Variants in GRM5 observed in about 807,000 individuals in gnomAD.
The protein encoded by GRM5 is glutamate metabotropic receptor 5.
In GRM5, 19 loss-of-function variants were observed where a neutral mutation model predicts 83.1. The ratio of observed to expected loss-of-function variants is 0.23; its 90% CI spans 0.16 to 0.34. The LOEUF (loss-of-function observed/expected upper bound fraction) is 0.34, where lower values mean the gene tolerates loss of function less well. GRM5 is among the 10% of genes least tolerant of loss of function. GRM5 has a pLI of 1.00. For synonymous variants in GRM5, 675 were observed against 633.6 expected, an observed-to-expected ratio of 1.07 and a Z score of -0.98; for missense variants, 1,160 against 1,588.3, an observed-to-expected ratio of 0.73 and a Z score of 4.58.
chr11:88,952,113 CACAT>C (rs1938482896), intron 2 of GRM5, among the ~76,000 whole-genome samples: 1 of 64,152 alleles, frequency 1.6e-5, no homozygotes, highest in Non-Finnish European at 4.3e-5. Context: ...CCACCATGTG[CACAT>C]ACAAACAAAC....
At chr11:88,876,155 T>C (rs1944849679) in intron 2 of GRM5, among the ~76,000 whole-genome samples, 1 of 152,136 alleles carries the variant, frequency 6.6e-6, no homozygotes, top group Non-Finnish European at 1.5e-5. Flanking sequence ...TGTAACCACC[T>C]TTATCAATTA....
chr11:88,693,892 G>A (rs1338358479), intron 3 of GRM5, among the ~76,000 whole-genome samples: 4 of 152,198 alleles, frequency 2.6e-5, no homozygotes, highest in African/African-American at 4.8e-5. Flanking sequence ...GAGAGGGAAG[G>A]AAGGACATCT....
chr11:88,698,093 T>C (rs1940943221), intron 3 of GRM5, among the ~76,000 whole-genome samples: 1 of 152,200 alleles, frequency 6.6e-6, no homozygotes, highest in Non-Finnish European at 1.5e-5. Flanking sequence ...ACTCGTCCTC[T>C]GCCAATCCAT....
intron 1 of GRM5, among the ~76,000 whole-genome samples, chr11:89,059,759 A>AT (rs916279538): frequency 2.0e-5 from 3 of 151,968 alleles, no homozygotes; most frequent in South Asian, 4.1e-4. Flanking sequence ...CAGATACTTT[A>AT]TTTTTTTAAT....
intron 2 of GRM5, among the ~76,000 whole-genome samples, chr11:88,978,474 TA>T (rs200343438): frequency 4.1e-5 from 4 of 97,986 alleles, no homozygotes; most frequent in African/African-American, 7.4e-5. Context: ...CAGATGAGCT[TA>T]AAAAAAAAAA....
intron 3 of GRM5, among the ~76,000 whole-genome samples, chr11:88,821,118 T>A (rs961429359): frequency 1.3e-5 from 2 of 152,002 alleles, no homozygotes; most frequent in Non-Finnish European, 1.5e-5. Flanking sequence ...GGGCTCTACA[T>A]CAGTGTTAAA....
intron 8 of GRM5, among the ~76,000 whole-genome samples, chr11:88,543,046 C>T (rs534641427): frequency 7.9e-5 from 12 of 152,112 alleles, no homozygotes; most frequent in South Asian, 4.2e-4. Context: ...CCAGCCTGGG[C>T]GACAGAACAA....
chr11:88,611,134 T>C (rs1938303501), intron 4 of GRM5, among the ~76,000 whole-genome samples: 1 of 152,160 alleles, frequency 6.6e-6, no homozygotes, highest in East Asian at 1.9e-4. Flanking sequence ...TTTTTGAGGA[T>C]TTTTGCATCT....
chr11:88,574,462 G>A (rs1943064049), intron 7 of GRM5, among the ~76,000 whole-genome samples: 1 of 152,028 alleles, frequency 6.6e-6, no homozygotes, highest in African/African-American at 2.4e-5. Flanking sequence ...GACGTGACAT[G>A]TTTCATATTA....
chr11:88,526,571 T>A (rs1188814253), intron 8 of GRM5, among the ~76,000 whole-genome samples: 1 of 152,160 alleles, frequency 6.6e-6, no homozygotes, highest in African/African-American at 2.4e-5. Context: ...TCCAGTAGGC[T>A]ATGATAAAGG....
chr11:88,745,017 A>G (rs562712741), intron 3 of GRM5, among the ~76,000 whole-genome samples: 3 of 152,174 alleles, frequency 2.0e-5, no homozygotes, highest in South Asian at 2.1e-4. Context: ...TTGATACTCA[A>G]TTATAATTGT....
chr11:88,567,639 T>C lies in GRM5; in HGVS notation c.2044A>G (p.Thr682Ala). 2 of 1,614,126 alleles carry C rather than the reference T, an allele frequency of 1.2e-6. No homozygotes were observed. The highest frequency in any genetic ancestry group is 4.5e-5 in the East Asian group (2 of 44,874). The change falls in exon 8 of 10, where the codon ACC (threonine) becomes GCC (alanine). Residue 682 changes from threonine (T) to alanine (A), a missense_variant. By Grantham distance (58) the Thr-to-Ala change is moderately conservative. Transcript: ENST00000305447. This position sits in a 1 kb window ranked among gnomAD's most constrained non-coding sequence, Gnocchi z 7.3. The part of the protein sequence containing the change: ...ILAGSKKKIC[T>A]KKPRFMSACA... Reference sequence around the variant, plus strand: ...GCACTCATGAATCTGGGCTTTTTGGTACAGATCTTCTTCTTGCTGCCAGCC... The same window carrying C: ...GCACTCATGAATCTGGGCTTTTTGGCACAGATCTTCTTCTTGCTGCCAGCC...
At chr11:89,023,723 G>A (rs1364552237) in intron 2 of GRM5, among the ~76,000 whole-genome samples, 5 of 151,986 alleles carry the variant, frequency 3.3e-5, no homozygotes, top group South Asian at 2.1e-4. Flanking sequence ...AGTGGCACAT[G>A]TCTGCAGTCC....
intron 2 of GRM5, among the ~76,000 whole-genome samples, chr11:88,973,851 A>G (rs1480788263): frequency 3.9e-5 from 6 of 152,270 alleles, no homozygotes; most frequent in Admixed American, 1.3e-4. Flanking sequence ...ACAGGTCCCT[A>G]TATTTTTTCA....
chr11:88,946,535 C>T (rs1590987081), intron 2 of GRM5, among the ~76,000 whole-genome samples: 1 of 152,120 alleles, frequency 6.6e-6, no homozygotes, highest in Admixed American at 6.6e-5. Context: ...CAGCTAGATG[C>T]TATTATCCTA....
At chr11:88,845,427 T>C (rs1266060211) in intron 3 of GRM5, among the ~76,000 whole-genome samples, 1 of 37,272 alleles carries the variant, frequency 2.7e-5, no homozygotes, top group Non-Finnish European at 5.3e-5. Context: ...ACATAACTTT[T>C]TTTTTTTTTT....
chr11:88,737,802 C>T (rs890679423), intron 3 of GRM5, among the ~76,000 whole-genome samples: 2 of 151,980 alleles, frequency 1.3e-5, no homozygotes, highest in African/African-American at 4.8e-5. Flanking sequence ...ATGCATGATC[C>T]ATTTAAACAG....
At chr11:88,910,031 C>T (rs551049915) in intron 2 of GRM5, among the ~76,000 whole-genome samples, 27 of 152,178 alleles carry the variant, frequency 1.8e-4, no homozygotes, top group African/African-American at 6.0e-4. Flanking sequence ...AAAATCACTT[C>T]ACCTCAGATG....
rs373170494 is a variant in GRM5, at chr11:88,517,560, C to T, written c.2726+7749G>A. ...GCACTCAGCTTTGCTGAGTAACTTT[C>T]GTCTACATTTCAATATTACCATTAT... is the stretch of plus-strand genomic sequence containing the variant. On this transcript the variant is annotated intron_variant, in intron 9 of 9. Coordinates refer to ENST00000305447, the MANE Select transcript of GRM5 (RefSeq NM_001143831.3). 3.8e-4 allele frequency among the ~76,000 whole-genome samples: 58 copies of T among 152,254 alleles called. 2 individuals carry two copies. Among genetic ancestry groups the T allele is most frequent in the East Asian group, 2.7e-3 (14 of 5,192 alleles).
Sources: gnomAD v4.1 joint callset for allele counts (sites outside exome capture counted in the v4.1 genomes callset) on GRCh38, gnomAD v4.1.1 for gene constraint, Gnocchi (gnomAD v3.1) non-coding constraint, MANE v1.5 for transcripts, NCBI Gene and HGNC (gene_info 2026-07-23, HGNC 2026-07-21) for gene names.